The following ITSN2 variants were observed in gnomAD, a reference collection of about 807,000 sequenced individuals.
ITSN2 encodes the protein intersectin-2.
Under a neutral mutation model 243.7 loss-of-function variants are expected in ITSN2, and 156 were observed. That is an observed-to-expected ratio of 0.64 (90% CI 0.56 to 0.73). ITSN2 has a LOEUF of 0.73. Among genes scored for constraint, ITSN2 ranks in the 30% least tolerant of loss-of-function variants. The pLI, the probability that ITSN2 is intolerant of heterozygous loss-of-function variation, is 0.00. For missense variants in ITSN2, 1,801 were observed against 1,996.1 expected (o/e 0.90, Z 1.86); for synonymous variants, 703 against 699.9 (o/e 1.00, Z -0.07).
intron 29 of ITSN2, among the ~76,000 whole-genome samples, chr2:24,233,908 C>G (rs1671864171): frequency 6.6e-6 from 1 of 152,152 alleles, no homozygotes; most frequent in African/African-American, 2.4e-5. Context: ...TAAAACATCT[C>G]TCTTAAGAAT....
chr2:24,263,725 G>C (rs1470145578), intron 20 of ITSN2, among the ~76,000 whole-genome samples: 1 of 152,154 alleles, frequency 6.6e-6, no homozygotes, highest in Non-Finnish European at 1.5e-5. Flanking sequence ...CATCCATACA[G>C]TAAGAACAGT....
intron 1 of ITSN2, among the ~76,000 whole-genome samples, chr2:24,343,950 T>A (rs1277703052): frequency 1.3e-5 from 2 of 152,128 alleles, no homozygotes; most frequent in Admixed American, 1.3e-4. Flanking sequence ...GGAGGAGGGG[T>A]GAACCTGAAG....
intron 29 of ITSN2, among the ~76,000 whole-genome samples, chr2:24,230,715 C>T (rs772412592): frequency 5.9e-5 from 9 of 152,014 alleles, no homozygotes; most frequent in Non-Finnish European, 1.0e-4. Context: ...TTGCAGTGAC[C>T]GGAGATCATG....
In ITSN2 at chr2:24,204,722, G is replaced by A. The variant is rs901573387; in HGVS notation, c.4763-304C>T. ...ATGCTTCCTCGGCGCAGACACACTC[G>A]GGAAGGCGGGCACTGGCACTTACTG... On this transcript the variant is annotated intron_variant, in intron 38 of 39. Coordinates refer to ENST00000355123, the MANE Select transcript of ITSN2 (RefSeq NM_006277.3). This position sits in a 1 kb window ranked among gnomAD's most constrained non-coding sequence, Gnocchi z 5.1. The A allele has an allele frequency of 7.3e-6, 4 of 546,086 alleles. No homozygotes were observed. Among genetic ancestry groups the A allele is most frequent in the African/African-American group, 1.9e-5 (1 of 53,594 alleles). The allele number at this position is 546,086 out of a possible 1,614,324, so 33.8% of individuals were successfully genotyped here. A position where few individuals can be genotyped will look rare whatever the true frequency, so the allele number is the denominator to read the frequency against.
intron 1 of ITSN2, among the ~76,000 whole-genome samples, chr2:24,331,820 G>A (rs1284351591): frequency 6.6e-6 from 1 of 152,126 alleles, no homozygotes; most frequent in Non-Finnish European, 1.5e-5. Context: ...TGAAAGTCAG[G>A]GTCGGCTGGG....
At chr2:24,241,216 G>A (rs1166317534) in intron 29 of ITSN2, 3 of 152,064 alleles carry the variant, frequency 2.0e-5, no homozygotes, top group Non-Finnish European at 4.4e-5. Flanking sequence ...TTTGTATACT[G>A]GGACATGTAG....
chr2:24,207,348 G>A lies in ITSN2; in HGVS notation c.4678+889C>T, dbSNP rs116766465. Among the ~76,000 whole-genome samples, 564 of 152,094 alleles carry A rather than the reference G, an allele frequency of 3.7e-3. 6 individuals are homozygous for A. Among genetic ancestry groups the A allele is most frequent in the African/African-American group, 0.013 (529 of 41,472 alleles). On this transcript the variant is annotated intron_variant, in intron 37 of 39. Coordinates refer to ENST00000355123, the MANE Select transcript of ITSN2 (RefSeq NM_006277.3). ...GAGGTGCCAGGGAGGGGCCTGGGTGGCCAGGGACCACACTACTGTCCACAG... is the reference window on the plus strand; with the variant it reads ...GAGGTGCCAGGGAGGGGCCTGGGTGACCAGGGACCACACTACTGTCCACAG...
chr2:24,261,326 A>G, intron 21 of ITSN2, 76 bp from the exon 22 acceptor site: 1 of 1,102,828 alleles, frequency 9.1e-7, no homozygotes, highest in Non-Finnish European at 1.3e-6. Context: ...TTATCAACTT[A>G]CATATTATAT....
At chr2:24,269,333 T>C (rs1275045625) in intron 20 of ITSN2, among the ~76,000 whole-genome samples, 1 of 152,208 alleles carries the variant, frequency 6.6e-6, no homozygotes, top group Non-Finnish European at 1.5e-5. Flanking sequence ...CTGAAACTCA[T>C]ACAAAACTGA....
chr2:24,333,885 G>C (rs1423832919), intron 1 of ITSN2, among the ~76,000 whole-genome samples: 1 of 152,026 alleles, frequency 6.6e-6, no homozygotes, highest in South Asian at 2.1e-4. Context: ...TTAAGGTTTA[G>C]GGGTTTTTTT....
rs199672841 is a variant in ITSN2, at chr2:24,216,255, T to G, written c.3807-23A>C. The stretch of plus-strand genomic sequence containing the variant: ...GCCCTGCCAAGAACACACTCTCATT[T>G]TGTGTTTCTAAGTGAATGACTTAGG... On this transcript the variant is annotated intron_variant, in intron 31 of 39. Transcript: ENST00000355123. The G allele has an allele frequency of 3.2e-6, 5 of 1,546,080 alleles. No homozygotes were observed. In the East Asian group the frequency reaches 1.2e-4, roughly 37 times the overall value.
intron 13 of ITSN2, among the ~76,000 whole-genome samples, chr2:24,297,805 T>C (rs1681167009): frequency 6.6e-6 from 1 of 152,154 alleles, no homozygotes; most frequent in African/African-American, 2.4e-5. Context: ...AAGGGAAATG[T>C]CTTGCCCAGG....
intron 4 of ITSN2, among the ~76,000 whole-genome samples, chr2:24,313,080 AC>A (rs1474142697): frequency 1.4e-5 from 2 of 144,006 alleles, no homozygotes; most frequent in African/African-American, 2.5e-5. Flanking sequence ...CTGAAGAAAT[AC>A]CTTTTTTTTT....
At position 24,317,207 on chromosome 2, in the gene ITSN2, C is replaced by T. The variant is rs571626763; in HGVS notation, c.32-1983G>A. ...ACCAACCTGGTCAACATGGCGAAAC[C>T]TCATCTCTACTAAAAATACAAAACA... On this transcript the variant is annotated intron_variant, in intron 2 of 39. Transcript: ENST00000355123. Among the ~76,000 whole-genome samples the T allele has an allele frequency of 2.4e-4, 36 of 152,230 alleles. 1 individual carries two copies. The East Asian group carries it at 6.8e-3, about 29-fold the overall frequency.
intron 4 of ITSN2, among the ~76,000 whole-genome samples, chr2:24,312,604 G>C (rs1485657106): frequency 6.6e-6 from 1 of 152,064 alleles, no homozygotes; most frequent in Non-Finnish European, 1.5e-5. Flanking sequence ...TGTCAAAACA[G>C]AATCTAGAGA....
intron 2 of ITSN2, chr2:24,326,574 T>C (rs549904256): frequency 1.8e-5 from 3 of 168,430 alleles, no homozygotes; most frequent in African/African-American, 7.2e-5. Context: ...TCACTCATTA[T>C]GGAAAAATTA....
At chr2:24,308,241 AATGCAG>A (rs1382844133) in intron 8 of ITSN2, among the ~76,000 whole-genome samples, 2 of 152,218 alleles carry the variant, frequency 1.3e-5, no homozygotes, top group Non-Finnish European at 2.9e-5. Context: ...GAAAAAGCCC[AATGCAG>A]AGGAGGATTC....
chr2:24,298,525 G>A (rs1681286599), intron 13 of ITSN2, 140 bp downstream of exon 13: 3 of 667,668 alleles, frequency 4.5e-6, no homozygotes, highest in Admixed American at 6.4e-5. Flanking sequence ...TCAAACTCCT[G>A]CCCCAGTTGA....
chr2:24,333,360 T>G (rs1685996605), intron 1 of ITSN2, among the ~76,000 whole-genome samples: 1 of 152,168 alleles, frequency 6.6e-6, no homozygotes, highest in African/African-American at 2.4e-5. Flanking sequence ...TTCTTATCTC[T>G]TGGTATAACT....
Sources: allele counts gnomAD v4.1 joint callset (sites outside exome capture counted in the v4.1 genomes callset), GRCh38; gene constraint gnomAD v4.1.1; non-coding constraint Gnocchi (gnomAD v3.1); transcripts MANE v1.5; gene names NCBI Gene and HGNC (gene_info 2026-07-23, HGNC 2026-07-21).